The following CCNQ variants were observed in gnomAD, a reference collection of about 807,000 sequenced individuals.
The protein encoded by CCNQ is cyclin-Q.
Under a neutral mutation model 17.7 loss-of-function variants are expected in CCNQ, and 3 were observed. The observed-to-expected ratio is 0.17, with a 90% CI of 0.08 to 0.44. The LOEUF is 0.44. Ranked by LOEUF, CCNQ falls within the 20% of genes least tolerant of loss-of-function variation. The pLI, the probability that CCNQ is intolerant of heterozygous loss-of-function variation, is 0.99. For synonymous variants in CCNQ, 73 were observed against 96.0 expected, an observed-to-expected ratio of 0.76 and a Z score of 1.40; for missense variants, 146 against 222.6, an observed-to-expected ratio of 0.66 and a Z score of 2.19.
At chrX:153,590,292 C>T (rs1232095047) in intron 4 of CCNQ, among the ~76,000 whole-genome samples, 2 of 101,824 alleles carry the variant, frequency 2.0e-5, no homozygotes, top group East Asian at 6.2e-4. Context: ...CTGCATCCAT[C>T]GATGGATGAA....
At position 153,597,296 on chromosome X, in the gene CCNQ, A is replaced by C. The variant is rs1557027281; in HGVS notation, c.113-1109T>G. 3.6e-5 allele frequency: 4 copies of C among 112,477 alleles called. No homozygotes were observed. The Admixed American group carries it at 3.7e-4, about 11-fold the overall frequency. 9.3% of individuals were successfully genotyped at this position (112,477 alleles called of 1,213,427 possible). A position where few individuals can be genotyped will look rare whatever the true frequency, so the allele number is the denominator to read the frequency against. ...AAATCACCACAAATTCAGCCACTTA[A>C]ACAACACACATTTATACTCCTCCGA... On this transcript the variant is annotated intron_variant, in intron 1 of 4. Coordinates refer to ENST00000576892, the MANE Select transcript of CCNQ (RefSeq NM_152274.5).
chrX:153,595,976 G>T, intron 2 of CCNQ, 28 bp downstream of exon 2: 1 of 1,210,278 alleles, frequency 8.3e-7, no homozygotes, highest in South Asian at 1.8e-5. Context: ...ACCGGGTGGA[G>T]ATCAGGAGCC....
In CCNQ at chrX:153,591,518, G is replaced by C. The variant is rs782751524; in HGVS notation, c.657+988C>G. Among the ~76,000 whole-genome samples, 3 of 111,943 alleles carry C rather than the reference G, an allele frequency of 2.7e-5. No individual in the cohort carries two copies. The East Asian group carries it at 8.4e-4, about 31-fold the overall frequency. ...GGTTTACGAGCAAGCGCAGAAGACA[G>C]AGCAGAAAGGAAGACAGATGCAGCA... On this transcript the variant is annotated intron_variant, in intron 4 of 4. Transcript: ENST00000576892.
chrX:153,598,732 C>T (rs2148304201), intron 1 of CCNQ, among the ~76,000 whole-genome samples: 1 of 113,513 alleles, frequency 8.8e-6, no homozygotes, highest in South Asian at 3.5e-4. Flanking sequence ...AGGCCCAACC[C>T]GGCCACGTCC....
At chrX:153,598,559 C>G (rs1247944662) in intron 1 of CCNQ, among the ~76,000 whole-genome samples, 2 of 113,555 alleles carry the variant, frequency 1.8e-5, no homozygotes, top group East Asian at 5.5e-4. Context: ...TGCAAGCAGC[C>G]TAGGTCCCCG....
intron 4 of CCNQ, among the ~76,000 whole-genome samples, chrX:153,591,292 TAAG>T (rs1369478882): frequency 3.0e-4 from 34 of 111,634 alleles, no homozygotes; most frequent in African/African-American, 9.5e-4. Context: ...GCAGAGCCTT[TAAG>T]AAGAGCTGGC....
intron 2 of CCNQ, among the ~76,000 whole-genome samples, chrX:153,595,080 C>G (rs781996441): frequency 3.3e-4 from 37 of 112,892 alleles, no homozygotes; most frequent in African/African-American, 1.2e-3. Flanking sequence ...GCCCGGGGCT[C>G]TCACTCTGGG....
At chrX:153,590,672 A>G (rs1323415328) in intron 4 of CCNQ, among the ~76,000 whole-genome samples, 3 of 112,132 alleles carry the variant, frequency 2.7e-5, no homozygotes, top group African/African-American at 6.5e-5. Flanking sequence ...AATTTAGGTG[A>G]TGTCTATGTC....
At chrX:153,589,114 G>A (rs782636150) in intron 4 of CCNQ, among the ~76,000 whole-genome samples, 93 of 112,878 alleles carry the variant, frequency 8.2e-4, no homozygotes, top group Non-Finnish European at 1.3e-3. Flanking sequence ...GAGCGTCTTG[G>A]TTTACTGGAC....
Position 153,598,957 on chromosome X carries a change from G to T in CCNQ, c.112+5C>A, listed in dbSNP as rs1557027698. On this transcript the variant is annotated splice_donor_5th_base_variant and intron_variant, in intron 1 of 4. Coordinates refer to ENST00000576892, the MANE Select transcript of CCNQ (RefSeq NM_152274.5). The stretch of plus-strand genomic sequence containing the variant: ...CCTGTCCTGGCCTCCCCCGGCCGCG[G>T]TTACCTGCCTCCATGATGAACCTCG... 2.7e-6 allele frequency: 3 copies of T among 1,129,717 alleles called. No individual in the cohort carries two copies. The highest frequency in any genetic ancestry group is 3.5e-6 in the Non-Finnish European group (3 of 854,735). The allele number at this position is 1,129,717 out of a possible 1,213,427, so 93.1% of individuals were successfully genotyped here.
At chrX:153,588,802 A>G (rs1228017251) in intron 4 of CCNQ, among the ~76,000 whole-genome samples, 1 of 112,817 alleles carries the variant, frequency 8.9e-6, no homozygotes, top group Non-Finnish European at 1.9e-5. Flanking sequence ...CTCTGCGGAC[A>G]CTGGCAAGAG....
intron 3 of CCNQ, 116 bp from the exon 4 acceptor site, chrX:153,592,849 C>T: frequency 1.4e-6 from 1 of 699,821 alleles, no homozygotes; most frequent in Non-Finnish European, 2.2e-6. Context: ...CAGGAAGAAG[C>T]CCCAAGGCCT....
At chrX:153,595,445 T>G (rs1353096503) in intron 2 of CCNQ, among the ~76,000 whole-genome samples, 1 of 113,693 alleles carries the variant, frequency 8.8e-6, no homozygotes, top group Non-Finnish European at 1.9e-5. Context: ...AAGCCTCTCA[T>G]GGGAATGATA....
intron 1 of CCNQ, among the ~76,000 whole-genome samples, chrX:153,597,200 A>C (rs1557027266): frequency 8.9e-6 from 1 of 111,989 alleles, no homozygotes; most frequent in African/African-American, 3.3e-5. Context: ...AACAACCGAC[A>C]ATCAACCATG....
At chrX:153,597,760 G>A (rs1557027382) in intron 1 of CCNQ, 2 of 111,363 alleles carry the variant, frequency 1.8e-5, no homozygotes, top group Non-Finnish European at 3.8e-5. Context: ...CCCTCAGAAG[G>A]TCTAAACTTG....
At chrX:153,595,219 G>A (rs782017874) in intron 2 of CCNQ, among the ~76,000 whole-genome samples, 1 of 113,515 alleles carries the variant, frequency 8.8e-6, no homozygotes, top group Non-Finnish European at 1.9e-5. Context: ...CTGGGCTCAA[G>A]CGATCCTCCC....
intron 3 of CCNQ, among the ~76,000 whole-genome samples, chrX:153,593,107 T>C (rs2091003617): frequency 8.9e-6 from 1 of 112,591 alleles, no homozygotes; most frequent in Admixed American, 9.3e-5. Flanking sequence ...ACCCTCTTCA[T>C]GGGCAGAACA....
At chrX:153,590,634 G>A (rs1028251174) in intron 4 of CCNQ, among the ~76,000 whole-genome samples, 2 of 111,972 alleles carry the variant, frequency 1.8e-5, no homozygotes, top group Non-Finnish European at 3.8e-5. Context: ...TCCCTGGGCC[G>A]CACACTTAAA....
intron 3 of CCNQ, among the ~76,000 whole-genome samples, chrX:153,593,741 C>T (rs2091007774): frequency 8.9e-6 from 1 of 112,593 alleles, no homozygotes; most frequent in Admixed American, 9.3e-5. Context: ...AAAATATACA[C>T]ACAGGAATAC....
Sources: allele counts gnomAD v4.1 joint callset (sites outside exome capture counted in the v4.1 genomes callset), GRCh38; gene constraint gnomAD v4.1.1; transcripts MANE v1.5; gene names NCBI Gene and HGNC (gene_info 2026-07-23, HGNC 2026-07-21).